Variants in NKAIN2 observed in about 807,000 individuals in gnomAD.
NKAIN2 encodes sodium/potassium-transporting ATPase subunit beta-1-interacting protein 2.
NKAIN2 carries 14 observed loss-of-function variants against 32.6 expected under a neutral mutation model. The ratio of observed to expected loss-of-function variants is 0.43; its 90% confidence interval spans 0.28 to 0.67. NKAIN2 has a LOEUF of 0.67. Among genes scored for constraint, NKAIN2 ranks in the 30% least tolerant of loss-of-function variants. NKAIN2 has a pLI of 0.17. For synonymous variants in NKAIN2, 80 were observed against 87.2 expected (o/e 0.92, Z 0.46); for missense variants, 198 against 258.3 (o/e 0.77, Z 1.60).
At chr6:124,586,486 G>A (rs963672294) in intron 3 of NKAIN2, among the ~76,000 whole-genome samples, 7 of 151,958 alleles carry the variant, frequency 4.6e-5, no homozygotes, top group Non-Finnish European at 7.4e-5. Flanking sequence ...ACTGCCTATC[G>A]GGTACTAGGC....
intron 3 of NKAIN2, among the ~76,000 whole-genome samples, chr6:124,623,678 G>T (rs1330561119): frequency 1.3e-5 from 2 of 152,198 alleles, no homozygotes; most frequent in Non-Finnish European, 2.9e-5. Flanking sequence ...AAGGAGGTGT[G>T]TTAAATTCAG....
intron 1 of NKAIN2, among the ~76,000 whole-genome samples, chr6:124,053,487 G>T (rs1353013207): frequency 6.6e-6 from 1 of 152,006 alleles, no homozygotes; most frequent in African/African-American, 2.4e-5. Context: ...CATAGGCATA[G>T]GTAGAATCAC....
chr6:124,056,769 C>A (rs1323417717), intron 1 of NKAIN2, among the ~76,000 whole-genome samples: 1 of 151,922 alleles, frequency 6.6e-6, no homozygotes, highest in East Asian at 1.9e-4. Context: ...TAATCATCTT[C>A]ATGCCTCTCA....
intron 1 of NKAIN2, among the ~76,000 whole-genome samples, chr6:124,247,097 A>G (rs1793449230): frequency 6.6e-6 from 1 of 152,022 alleles, no homozygotes; most frequent in Non-Finnish European, 1.5e-5. Flanking sequence ...CTCTCTGAGC[A>G]CTGCCAGGAA....
intron 1 of NKAIN2, among the ~76,000 whole-genome samples, chr6:124,049,893 A>T (rs1782326316): frequency 1.3e-5 from 2 of 152,054 alleles, no homozygotes; most frequent in South Asian, 4.1e-4. Context: ...AGCAGTTTGG[A>T]CGTGCCAAAG....
At chr6:124,674,751 G>A (rs1773273039) in intron 4 of NKAIN2, among the ~76,000 whole-genome samples, 1 of 151,782 alleles carries the variant, frequency 6.6e-6, no homozygotes, top group South Asian at 2.1e-4. Context: ...GTTTTTTTGT[G>A]AGACCTTTAG....
intron 3 of NKAIN2, among the ~76,000 whole-genome samples, chr6:124,617,480 T>A (rs1326092118): frequency 6.6e-6 from 1 of 152,226 alleles, no homozygotes; most frequent in Non-Finnish European, 1.5e-5. Flanking sequence ...TTAAATAGCA[T>A]ATCCACAAAG....
chr6:124,682,026 A>T lies in NKAIN2; in HGVS notation c.474+23640A>T, dbSNP rs558139891. ...AAAGAGTAGAGCAAATACTGGGGAT[A>T]AAAATGTAATGTACATATTTTTCAA... On this transcript the variant is annotated intron_variant, in intron 4 of 6. Transcript: ENST00000368417. Among the ~76,000 whole-genome samples the T allele has an allele frequency of 5.3e-5, 8 of 152,224 alleles. 1 individual carries two copies. In the South Asian group the frequency reaches 1.7e-3, roughly 32 times the overall value.
intron 3 of NKAIN2, among the ~76,000 whole-genome samples, chr6:124,355,883 G>GT (rs1798947965): frequency 6.6e-6 from 1 of 152,106 alleles, no homozygotes; most frequent in Admixed American, 6.6e-5. Flanking sequence ...TTTGTGCTCT[G>GT]TATGTGTGCA....
At chr6:124,254,781 G>C (rs909257495) in intron 1 of NKAIN2, among the ~76,000 whole-genome samples, 2 of 152,062 alleles carry the variant, frequency 1.3e-5, no homozygotes, top group Non-Finnish European at 2.9e-5. Context: ...ATTAAAACTA[G>C]ATAGTAAAAT....
intron 1 of NKAIN2, among the ~76,000 whole-genome samples, chr6:123,924,366 T>C (rs879210125): frequency 2.0e-5 from 3 of 152,352 alleles, no homozygotes; most frequent in Admixed American, 2.0e-4. Context: ...TTAGAAACAA[T>C]TTGGAATTCA....
chr6:124,658,138 C>A, intron 3 of NKAIN2, 48 bp from the exon 4 acceptor site: 1 of 1,431,034 alleles, frequency 7.0e-7, no homozygotes. Flanking sequence ...AGTAAGCTGA[C>A]TAACATTTAT....
chr6:124,460,327 AGGT>A (rs1178177369), intron 3 of NKAIN2, among the ~76,000 whole-genome samples: 5 of 151,808 alleles, frequency 3.3e-5, no homozygotes, highest in African/African-American at 1.2e-4. Context: ...TTGAATAATG[AGGT>A]GGTCACAACT....
At chr6:124,005,385 C>T (rs1212833831) in intron 1 of NKAIN2, among the ~76,000 whole-genome samples, 4 of 152,110 alleles carry the variant, frequency 2.6e-5, no homozygotes, top group Non-Finnish European at 5.9e-5. Context: ...CCCAAACATA[C>T]TACTGTAAAT....
Position 123,804,046 on chromosome 6 carries a change from C to G in NKAIN2, c.-155C>G. ...CCGCCGCGCCAGCAGGTCCTAATGC[C>G]TGTCACTTCCCAGGACGCTGGCAGC... On this transcript the variant is annotated 5_prime_UTR_variant, in exon 1 of 7. Transcript: ENST00000368417. The G allele has an allele frequency of 1.3e-6, 1 of 757,058 alleles. No individual in the cohort carries two copies. The highest frequency in any genetic ancestry group is 2.4e-6 in the Non-Finnish European group (1 of 423,690). 46.9% of individuals were successfully genotyped at this position (757,058 alleles called of 1,614,324 possible).
intron 1 of NKAIN2, among the ~76,000 whole-genome samples, chr6:123,917,382 C>G (rs962826403): frequency 5.9e-5 from 9 of 152,164 alleles, no homozygotes; most frequent in African/African-American, 2.2e-4. Context: ...GTGTCAAGAA[C>G]ACTACCTTGA....
intron 3 of NKAIN2, among the ~76,000 whole-genome samples, chr6:124,470,225 G>A (rs1410446633): frequency 6.6e-6 from 1 of 152,146 alleles, no homozygotes; most frequent in Non-Finnish European, 1.5e-5. Context: ...ACATCAAAGG[G>A]TGCTGGTGAG....
At chr6:124,460,575 A>G (rs1172155705) in intron 3 of NKAIN2, among the ~76,000 whole-genome samples, 4 of 151,758 alleles carry the variant, frequency 2.6e-5, no homozygotes, top group African/African-American at 9.7e-5. Context: ...ACCTCTTATT[A>G]TTGCTGATGA....
At chr6:124,251,824 T>C (rs1306671960) in intron 1 of NKAIN2, among the ~76,000 whole-genome samples, 1 of 152,022 alleles carries the variant, frequency 6.6e-6, no homozygotes, top group Non-Finnish European at 1.5e-5. Context: ...ACCTAATAAA[T>C]ATTGGTAGTT....
Sources: allele counts gnomAD v4.1 joint callset (sites outside exome capture counted in the v4.1 genomes callset), GRCh38; gene constraint gnomAD v4.1.1; transcripts MANE v1.5; gene names NCBI Gene and HGNC (gene_info 2026-07-23, HGNC 2026-07-21).